Variants in CPLX1 observed in about 807,000 individuals in gnomAD.
CPLX1 encodes complexin 1.
A neutral mutation model predicts 15.6 loss-of-function variants in CPLX1; 6 were observed. The observed-to-expected ratio is 0.39, with a 90% CI of 0.21 to 0.76. The LOEUF (loss-of-function observed/expected upper bound fraction) is 0.76. CPLX1 is among the 30% of genes least tolerant of loss of function. The probability of loss-of-function intolerance (pLI) is 0.43; values close to 1 mark genes in which losing one functional copy is unlikely to be tolerated. For missense variants in CPLX1, 242 were observed against 188.6 expected (o/e 1.28, Z -1.66); for synonymous variants, 91 against 75.2 (o/e 1.21, Z -1.08).
chr4:821,287 G>A (rs1225304877), intron 2 of CPLX1, among the ~76,000 whole-genome samples: 1 of 152,122 alleles, frequency 6.6e-6, no homozygotes, highest in Non-Finnish European at 1.5e-5. Context: ...CCGAGCATGG[G>A]TGAGTCCTGC....
At chr4:815,614 TACTC>T (rs1746738104) in intron 2 of CPLX1, among the ~76,000 whole-genome samples, 1 of 152,162 alleles carries the variant, frequency 6.6e-6, no homozygotes, top group African/African-American at 2.4e-5. Flanking sequence ...GTGTGGCACT[TACTC>T]AGAAACATAA....
intron 2 of CPLX1, among the ~76,000 whole-genome samples, chr4:821,062 C>T (rs1057420123): frequency 6.6e-6 from 1 of 152,182 alleles, no homozygotes; most frequent in African/African-American, 2.4e-5. Flanking sequence ...CAGATGTTCA[C>T]CTGCTTCCCT....
rs1387502669 is a variant in CPLX1, at chr4:826,059, G to A, written c.-93C>T. On this transcript the variant is annotated 5_prime_UTR_variant, in exon 1 of 4. Coordinates refer to ENST00000304062, the MANE Select transcript of CPLX1 (RefSeq NM_006651.4). ...GGGCGCGGTTACCTTCCCGGGGCGC[G>A]GGCGGTCAGCGGCGGGGCGCGCTCG... 1 of 148,208 alleles carries A rather than the reference G, an allele frequency of 6.7e-6. No individual in the cohort carries two copies. The highest frequency in any genetic ancestry group is 2.5e-5 in the African/African-American group (1 of 40,200). The allele number at this position is 148,208 out of a possible 1,614,324, so 9.2% of individuals were successfully genotyped here.
At chr4:803,419 C>T (rs1746495546) in intron 2 of CPLX1, among the ~76,000 whole-genome samples, 1 of 151,882 alleles carries the variant, frequency 6.6e-6, no homozygotes, top group Non-Finnish European at 1.5e-5. Flanking sequence ...GAGACGGAAT[C>T]TCGCTCTGTC....
intron 2 of CPLX1, among the ~76,000 whole-genome samples, chr4:815,239 C>T (rs1446322289): frequency 2.0e-5 from 3 of 151,698 alleles, no homozygotes; most frequent in Admixed American, 6.6e-5. Context: ...GGTGAAACCC[C>T]GTCTCTACTA....
At chr4:789,562 C>G (rs985872760) in intron 3 of CPLX1, among the ~76,000 whole-genome samples, 5 of 152,136 alleles carry the variant, frequency 3.3e-5, no homozygotes, top group African/African-American at 1.2e-4. Flanking sequence ...TCAGAAGGCC[C>G]GTGCAGGAAG....
At position 792,436 on chromosome 4, in the gene CPLX1, G is replaced by T; in HGVS notation, c.204C>A (p.Asp68Glu). Residue 68 changes from aspartate (D) to glutamate (E), a missense_variant, in exon 3 of 4, where the codon GAC becomes GAA. Coordinates refer to ENST00000304062, the MANE Select transcript of CPLX1 (RefSeq NM_006651.4). The part of the protein sequence containing the change: ...EREAVRQGIR[D>E]KYGIKKKEER... ...GCGGGGCCGGCCCGGCGCGCACCTT[G>T]TCTCGGATGCCCTGGCGCACGGCCT... is the stretch of plus-strand genomic sequence containing the variant. 1.3e-6 allele frequency: 2 copies of T among 1,578,368 alleles called. No individual in the cohort carries two copies. Among genetic ancestry groups the T allele is most frequent in the Non-Finnish European group, 8.6e-7 (1 of 1,163,582 alleles).
At chr4:796,035 T>C (rs1466116468) in intron 2 of CPLX1, among the ~76,000 whole-genome samples, 2 of 152,034 alleles carry the variant, frequency 1.3e-5, no homozygotes, top group African/African-American at 4.8e-5. Context: ...GCCCAGGCAG[T>C]TTCTGGGGGG....
rs1745988607 is a variant in CPLX1 at position 786,381 on chromosome 4, G to T, written c.*120C>A. 8.6e-7 allele frequency: 1 copy of T among 1,169,500 alleles called. No homozygotes were observed. Among genetic ancestry groups the T allele is most frequent in the East Asian group, 3.0e-5 (1 of 33,600 alleles). 72.4% of individuals were successfully genotyped at this position (1,169,500 alleles called of 1,614,324 possible). On this transcript the variant is annotated 3_prime_UTR_variant, in exon 4 of 4. Transcript: ENST00000304062. ...GAGGCGGCGGGCGCGGGCAGGGCGG[G>T]CCTGGGGCTATGGCTTATATCGGCG...
At chr4:786,784 A>AC in intron 3 of CPLX1, 86 bp from the exon 4 acceptor site, 2 of 1,485,248 alleles carry the variant, frequency 1.3e-6, no homozygotes, top group Non-Finnish European at 1.8e-6. Flanking sequence ...TGGCCCAGGA[A>AC]CCCCCGAAGG....
At chr4:793,096 G>A (rs1351417843) in intron 2 of CPLX1, among the ~76,000 whole-genome samples, 2 of 152,224 alleles carry the variant, frequency 1.3e-5, no homozygotes, top group African/African-American at 2.4e-5. Flanking sequence ...GTGGTTGCGC[G>A]TGCAGTTGTG....
In CPLX1 at chr4:786,424, T is replaced by A. The variant is rs1037501486; in HGVS notation, c.*77A>T. On this transcript the variant is annotated 3_prime_UTR_variant, in exon 4 of 4. Transcript: ENST00000304062. ...TATCGGCGTGGGGGCTGCGCTCTGCTCGTCCCTCAGGGGCCTCCGCGGAGG... is the reference window on the plus strand; with the variant it reads ...TATCGGCGTGGGGGCTGCGCTCTGCACGTCCCTCAGGGGCCTCCGCGGAGG... 3 of 1,440,628 alleles carry A rather than the reference T, an allele frequency of 2.1e-6. No individual in the cohort carries two copies. The highest frequency in any genetic ancestry group is 2.8e-6 in the Non-Finnish European group (3 of 1,083,088). 89.2% of individuals were successfully genotyped at this position (1,440,628 alleles called of 1,614,324 possible). A position where few individuals can be genotyped will look rare whatever the true frequency, so the allele number is the denominator to read the frequency against.
At chr4:825,482 G>C (rs1006171109) in intron 1 of CPLX1, among the ~76,000 whole-genome samples, 1 of 151,910 alleles carries the variant, frequency 6.6e-6, no homozygotes, top group Admixed American at 6.6e-5. Flanking sequence ...GGCTCCCGCG[G>C]CGCGGGGAAG....
At chr4:810,585 G>A (rs558368784) in intron 2 of CPLX1, among the ~76,000 whole-genome samples, 23 of 152,288 alleles carry the variant, frequency 1.5e-4, no homozygotes, top group East Asian at 5.8e-4. Context: ...GTGTGTCCCC[G>A]TGACCAGCAC....
At chr4:815,741 G>T (rs891422606) in intron 2 of CPLX1, among the ~76,000 whole-genome samples, 1 of 152,150 alleles carries the variant, frequency 6.6e-6, no homozygotes, top group Non-Finnish European at 1.5e-5. Flanking sequence ...AAATCTCAGC[G>T]GCACTTGGAG....
At chr4:808,606 G>A (rs1316168961) in intron 2 of CPLX1, among the ~76,000 whole-genome samples, 1 of 152,200 alleles carries the variant, frequency 6.6e-6, no homozygotes, top group Non-Finnish European at 1.5e-5. Flanking sequence ...CAGGAGGTGG[G>A]TCTTGAACCT....
Position 792,483 on chromosome 4 carries a change from C to T in CPLX1, c.157G>A (p.Ala53Thr), listed in dbSNP as rs1278126754. The change falls in exon 3 of 4, where the codon GCC becomes ACC. Residue 53 changes from alanine (A) to threonine (T), a missense_variant. Transcript: ENST00000304062. Reference protein sequence around the residue: ...QAEEERKAKYAKMEAEREAVR... With the variant: ...QAEEERKAKYTKMEAEREAVR... ...GCCTCGCGCTCCGCCTCCATCTTGG[C>T]GTACTTGGCCTTGCGCTCCTCCTCC... 11 of 1,612,000 alleles carry T rather than the reference C, an allele frequency of 6.8e-6. No individual in the cohort carries two copies. The East Asian group carries it at 2.5e-4, about 36-fold the overall frequency.
At chr4:791,745 G>T (rs1001533192) in intron 3 of CPLX1, among the ~76,000 whole-genome samples, 2 of 152,196 alleles carry the variant, frequency 1.3e-5, no homozygotes, top group African/African-American at 4.8e-5. Flanking sequence ...CAGGGCACGG[G>T]GTGAGCACTG....
At chr4:794,110 G>A (rs1257132618) in intron 2 of CPLX1, among the ~76,000 whole-genome samples, 1 of 152,274 alleles carries the variant, frequency 6.6e-6, no homozygotes, top group African/African-American at 2.4e-5. Context: ...CAGTCACTCA[G>A]GAGTGAGCTC....
Sources: gnomAD v4.1 joint callset for allele counts (sites outside exome capture counted in the v4.1 genomes callset) on GRCh38, gnomAD v4.1.1 for gene constraint, MANE v1.5 for transcripts, NCBI Gene and HGNC (gene_info 2026-07-23, HGNC 2026-07-21) for gene names.